The following ZNF250 variants were observed in gnomAD, a reference collection of about 807,000 sequenced individuals.
The protein encoded by ZNF250 is zinc finger protein (clone 647).
A neutral mutation model predicts 37.1 loss-of-function variants in ZNF250; 13 were observed. The ratio of observed to expected loss-of-function variants is 0.35; its 90% confidence interval spans 0.23 to 0.56. ZNF250 has a LOEUF of 0.56. ZNF250 is among the 20% of genes least tolerant of loss of function. The pLI is 0.87. For synonymous variants in ZNF250, 251 were observed against 265.6 expected (o/e 0.94, Z 0.54); for missense variants, 474 against 697.9 (o/e 0.68, Z 3.61).
chr8:144,892,563 T>G (rs1324391970), intron 1 of ZNF250, among the ~76,000 whole-genome samples: 1 of 152,052 alleles, frequency 6.6e-6, no homozygotes, highest in African/African-American at 2.4e-5. Context: ...TTTGTTTGTT[T>G]TTTTTTTTGA....
At chr8:144,899,038 G>T (rs780724383) in intron 1 of ZNF250, among the ~76,000 whole-genome samples, 21 of 152,134 alleles carry the variant, frequency 1.4e-4, no homozygotes, top group Non-Finnish European at 2.4e-4. Flanking sequence ...AATGGAATAT[G>T]ATTCAACTAT....
rs1430787716 is a variant in ZNF250 at position 144,878,995 on chromosome 8, TCTCA to T, written c.*2516_*2519del. ...AGATCCTCTGAAGTAACAAAAATTG[TCTCA>T]CTTTCTTTCTGAAGTGACGCCTCAG... On this transcript the variant is annotated 3_prime_UTR_variant, in exon 6 of 6. Coordinates refer to ENST00000417550, the MANE Select transcript of ZNF250 (RefSeq NM_001109689.4). The T allele has an allele frequency of 1.3e-5, 2 of 152,202 alleles. No individual in the cohort carries two copies. Among genetic ancestry groups the T allele is most frequent in the East Asian group, 3.9e-4 (2 of 5,192 alleles). The allele number at this position is 152,202 out of a possible 1,614,324, so 9.4% of individuals were successfully genotyped here.
intron 1 of ZNF250, among the ~76,000 whole-genome samples, chr8:144,895,992 G>C (rs1048057551): frequency 7.7e-6 from 1 of 130,226 alleles, no homozygotes; most frequent in African/African-American, 3.1e-5. Context: ...CTGCATAACA[G>C]AGCAAGACTC....
rs1460776614 is a variant in ZNF250 at position 144,890,279 on chromosome 8, G to C, written c.42+29C>G. 3.2e-6 allele frequency: 5 copies of C among 1,549,788 alleles called. No individual in the cohort carries two copies. Among genetic ancestry groups the C allele is most frequent in the Non-Finnish European group, 4.4e-6 (5 of 1,141,930 alleles). ...AGGAACCACAGGGCTCGGGCTGGGG[G>C]CACTGCATAAGCACTGGGGACAGCT... is the stretch of plus-strand genomic sequence containing the variant. On this transcript the variant is annotated intron_variant, in intron 2 of 5. Transcript: ENST00000417550. The surrounding 1 kb of genome is among the most constrained non-coding windows in gnomAD (Gnocchi z 5.1).
At chr8:144,889,502 A>T (rs2735907) in intron 4 of ZNF250, 79 bp downstream of exon 4, 47,191 of 1,164,920 alleles carry the variant, frequency 0.041, 3,241 homozygotes, top group East Asian at 0.29. Flanking sequence ...AGTGAGCGGC[A>T]CAGTATGAAC....
Position 144,897,831 on chromosome 8 carries a change from A to G in ZNF250, c.-55+3568T>C, listed in dbSNP as rs1832821431. Among the ~76,000 whole-genome samples, 1 of 152,210 alleles carries G rather than the reference A, an allele frequency of 6.6e-6. No homozygotes were observed. The highest frequency in any genetic ancestry group is 2.4e-5 in the African/African-American group (1 of 41,452). ...TTAAAGGAATAGGTTGGGCTAGTTA[A>G]CTGTAGCAGGAGCATGTCCTTAAGG... On this transcript the variant is annotated intron_variant, in intron 1 of 5. Transcript: ENST00000417550. This position sits in a 1 kb window ranked among gnomAD's most constrained non-coding sequence, Gnocchi z 5.2.
At position 144,877,655 on chromosome 8, in the gene ZNF250, C is replaced by T. The variant is rs1380178260; in HGVS notation, c.*3860G>A. 1 of 152,208 alleles carries T rather than the reference C, an allele frequency of 6.6e-6. No individual in the cohort carries two copies. Among genetic ancestry groups the T allele is most frequent in the East Asian group, 1.9e-4 (1 of 5,184 alleles). 9.4% of individuals were successfully genotyped at this position (152,208 alleles called of 1,614,324 possible). ...CTCCTCAGAAAGAAGGGCATTGAAGCCCACTTCCTGGCTCCGTGGACACCT... is the reference window on the plus strand; with the variant it reads ...CTCCTCAGAAAGAAGGGCATTGAAGTCCACTTCCTGGCTCCGTGGACACCT... On this transcript the variant is annotated 3_prime_UTR_variant, in exon 6 of 6. Transcript: ENST00000417550.
Position 144,882,354 on chromosome 8 carries a change from G to T in ZNF250, c.829C>A (p.Pro277Thr). The T allele has an allele frequency of 6.2e-7, 1 of 1,613,932 alleles. No individual in the cohort carries two copies. Among genetic ancestry groups the T allele is most frequent in the Non-Finnish European group, 8.5e-7 (1 of 1,179,890 alleles). The change falls in exon 6 of 6, where the codon CCT (proline) becomes ACT (threonine). Residue 277 changes from proline to threonine, a missense_variant. Physicochemically the swap from Pro to Thr is conservative, Grantham distance 38 (BLOSUM62 -1). Around this residue, in one of 2 missense-constraint regions of ZNF250, gnomAD observed 282 missense variants for 470.4 expected, o/e 0.60. Coordinates refer to ENST00000417550, the MANE Select transcript of ZNF250 (RefSeq NM_001109689.4). The surrounding 1 kb of genome is among the most constrained non-coding windows in gnomAD (Gnocchi z 5.5). ...QHHKIHTGEKPHECLECRKAF... is the reference protein window; with the variant it reads ...QHHKIHTGEKTHECLECRKAF... ...TTCCGACACTCAAGACATTCGTGAG[G>T]CTTCTCTCCTGTATGTATCTTGTGA... is the stretch of plus-strand genomic sequence containing the variant.
chr8:144,888,264 T>A (rs1175688684), intron 4 of ZNF250, among the ~76,000 whole-genome samples: 1 of 152,212 alleles, frequency 6.6e-6, no homozygotes, highest in East Asian at 1.9e-4. Flanking sequence ...TGTTATCTTT[T>A]AAAATATTAC....
Position 144,886,881 on chromosome 8 carries a change from G to A in ZNF250, c.305C>T (p.Thr102Ile). 4 of 1,613,672 alleles carry A rather than the reference G, an allele frequency of 2.5e-6. No individual in the cohort carries two copies. Among genetic ancestry groups the A allele is most frequent in the Non-Finnish European group, 3.4e-6 (4 of 1,179,698 alleles). The stretch of plus-strand genomic sequence containing the variant: ...ACTGTCTTGTTGTGTACAGGCTGTA[G>A]TGTGGTCATATTTGAGGTTGTCTGG... ...DYSDNLKYDH[T>I]TACTQQDSLS... The change falls in exon 5 of 6, where the codon ACT (threonine) becomes ATT (isoleucine). Residue 102 changes from threonine (T) to isoleucine (I), a missense_variant. Physicochemically the swap from Thr to Ile is moderately conservative, Grantham distance 89. This residue lies in a region of ZNF250 where 192 missense variants were observed against 227.5 expected (regional missense o/e 0.84). Transcript: ENST00000417550.
rs1011446333 is a variant in ZNF250, at chr8:144,891,682, G to A, written c.-54-1279C>T. On this transcript the variant is annotated intron_variant, in intron 1 of 5. Coordinates refer to ENST00000417550, the MANE Select transcript of ZNF250 (RefSeq NM_001109689.4). This position sits in a 1 kb window ranked among gnomAD's most constrained non-coding sequence, Gnocchi z 4.0. The stretch of plus-strand genomic sequence containing the variant: ...GCCATGACCAACATGGGGAAACCCC[G>A]TCTCTACTAAAAACACAAAATTAGC... Among the ~76,000 whole-genome samples, 5 of 152,170 alleles carry A rather than the reference G, an allele frequency of 3.3e-5. No homozygotes were observed. Among genetic ancestry groups the A allele is most frequent in the African/African-American group, 7.2e-5 (3 of 41,442 alleles).
Position 144,881,287 on chromosome 8 carries a change from A to G in ZNF250, c.*228T>C. ...TACCAAAATTCTCTACAATTGTATGATTACTCTCCAACATAACTTCAAGAT... is the reference window on the plus strand; with the variant it reads ...TACCAAAATTCTCTACAATTGTATGGTTACTCTCCAACATAACTTCAAGAT... On this transcript the variant is annotated 3_prime_UTR_variant, in exon 6 of 6. Transcript: ENST00000417550. The G allele has an allele frequency of 2.0e-6, 1 of 502,774 alleles. No homozygotes were observed. Among genetic ancestry groups the G allele is most frequent in the Non-Finnish European group, 3.3e-6 (1 of 305,846 alleles). The allele number at this position is 502,774 out of a possible 1,614,324, so 31.1% of individuals were successfully genotyped here.
Position 144,901,306 on chromosome 8 carries a change from G to T in ZNF250, c.-55+93C>A, listed in dbSNP as rs993773540. ...GCAGGAGGCAGTGCGTGCTCGCGGGGAAGAGTCCACGATTCGTGTGGAGGA... is the reference window on the plus strand; with the variant it reads ...GCAGGAGGCAGTGCGTGCTCGCGGGTAAGAGTCCACGATTCGTGTGGAGGA... On this transcript the variant is annotated intron_variant, in intron 1 of 5. Transcript: ENST00000417550. The surrounding 1 kb of genome is among the most constrained non-coding windows in gnomAD (Gnocchi z 5.4). 6.6e-6 allele frequency: 1 copy of T among 152,476 alleles called. No individual in the cohort carries two copies. Among genetic ancestry groups the T allele is most frequent in the South Asian group, 2.1e-4 (1 of 4,852 alleles). The allele number at this position is 152,476 out of a possible 1,614,324, so 9.4% of individuals were successfully genotyped here.
rs1475686364 is a variant in ZNF250, at chr8:144,879,568, AAAAC to A, written c.*1943_*1946del. 3.3e-5 allele frequency: 5 copies of A among 152,268 alleles called. No homozygotes were observed. The highest frequency in any genetic ancestry group is 7.3e-5 in the Non-Finnish European group (5 of 68,092). 9.4% of individuals were successfully genotyped at this position (152,268 alleles called of 1,614,324 possible). The stretch of plus-strand genomic sequence containing the variant: ...CTGGTGACAGAGCAAGACCGTCTTT[AAAAC>A]AAACAAAAAGGATCAATATCCTGGT... On this transcript the variant is annotated 3_prime_UTR_variant, in exon 6 of 6. Coordinates refer to ENST00000417550, the MANE Select transcript of ZNF250 (RefSeq NM_001109689.4).
chr8:144,895,675 T>G (rs1287671525), intron 1 of ZNF250, among the ~76,000 whole-genome samples: 1 of 151,890 alleles, frequency 6.6e-6, no homozygotes, highest in Admixed American at 6.6e-5. Context: ...AAATGCAGTA[T>G]CAGGTCTCTA....
At chr8:144,885,098 A>C (rs1389069576) in intron 5 of ZNF250, among the ~76,000 whole-genome samples, 1 of 152,216 alleles carries the variant, frequency 6.6e-6, no homozygotes, top group Non-Finnish European at 1.5e-5. Context: ...TTAATAAAAA[A>C]ATTTAAATTC....
rs767136030 is a variant in ZNF250 at position 144,881,887 on chromosome 8, G to T, written c.1296C>A (p.His432Gln). ...TGTGGACTCTCTGGTGCTGGATCAG[G>T]TGTGAGTGCTGAACGAAGGCCTTCC... ...ECGKAFVQHSHLIQHQRVHTG... is the reference protein window; with the variant it reads ...ECGKAFVQHSQLIQHQRVHTG... Residue 432 changes from histidine (H) to glutamine (Q), a missense_variant, in exon 6 of 6, where the codon CAC becomes CAA. Transcript: ENST00000417550. The T allele has an allele frequency of 6.2e-7, 1 of 1,611,748 alleles. No individual in the cohort carries two copies. The highest frequency in any genetic ancestry group is 2.2e-5 in the East Asian group (1 of 44,658).
chr8:144,888,897 T>C (rs1178869308), intron 4 of ZNF250, among the ~76,000 whole-genome samples: 3 of 152,014 alleles, frequency 2.0e-5, no homozygotes, highest in Non-Finnish European at 4.4e-5. Context: ...GCCTCCCGAG[T>C]AGCTGGGACT....
intron 4 of ZNF250, among the ~76,000 whole-genome samples, chr8:144,888,635 A>T (rs1417479953): frequency 6.6e-6 from 1 of 151,762 alleles, no homozygotes; most frequent in East Asian, 1.9e-4. Flanking sequence ...ATCCAGCAAA[A>T]CTGGTAATTT....
Sources: allele counts gnomAD v4.1 joint callset (sites outside exome capture counted in the v4.1 genomes callset), GRCh38; gene constraint gnomAD v4.1.1; regional missense constraint gnomAD v4.1.1; non-coding constraint Gnocchi (gnomAD v3.1); transcripts MANE v1.5; gene names NCBI Gene and HGNC (gene_info 2026-07-23, HGNC 2026-07-21).